The following DNMBP variants were observed in gnomAD, a reference collection of about 807,000 sequenced individuals.
DNMBP encodes dynamin-binding protein.
DNMBP carries 87 observed loss-of-function variants against 150.0 expected under a neutral mutation model. The observed-to-expected ratio is 0.58, with a 90% CI of 0.49 to 0.69. DNMBP has a LOEUF of 0.69. Among genes scored for constraint, DNMBP ranks in the 30% least tolerant of loss-of-function variants. The pLI is 0.00. For missense variants in DNMBP, 1,774 were observed against 1,949.0 expected, an observed-to-expected ratio of 0.91 and a Z score of 1.69; for synonymous variants, 711 against 750.4, an observed-to-expected ratio of 0.95 and a Z score of 0.86.
intron 4 of DNMBP, among the ~76,000 whole-genome samples, chr10:99,912,885 C>G: frequency 6.6e-6 from 1 of 152,144 alleles, no homozygotes; most frequent in East Asian, 1.9e-4. Flanking sequence ...TATTAACACT[C>G]AAAGAGAGTT....
chr10:99,926,807 C>A (rs1379175459), intron 4 of DNMBP, among the ~76,000 whole-genome samples: 2 of 152,064 alleles, frequency 1.3e-5, no homozygotes, highest in Admixed American at 1.3e-4. Flanking sequence ...CCAGAAGAGC[C>A]CAGCAGATAG....
intron 4 of DNMBP, among the ~76,000 whole-genome samples, chr10:99,948,154 CAT>C (rs2040379301): frequency 1.3e-5 from 2 of 152,094 alleles, no homozygotes; most frequent in African/African-American, 2.4e-5. Flanking sequence ...AATATTTTTA[CAT>C]GTTATTAAAA....
chr10:99,990,858 T>C (rs949691877), intron 1 of DNMBP, among the ~76,000 whole-genome samples: 9 of 150,436 alleles, frequency 6.0e-5, no homozygotes, highest in South Asian at 2.1e-4. Flanking sequence ...CACACATATA[T>C]ATATATATAT....
In DNMBP at chr10:99,896,163, C is replaced by T. The variant is rs540839983; in HGVS notation, c.3051+104G>A. 4.4e-5 allele frequency: 59 copies of T among 1,343,858 alleles called. 1 individual carries two copies. The highest frequency in any genetic ancestry group is 5.8e-5 in the African/African-American group (4 of 69,300). 83.2% of individuals were successfully genotyped at this position (1,343,858 alleles called of 1,614,324 possible). On this transcript the variant is annotated intron_variant, in intron 10 of 16. Coordinates refer to ENST00000324109, the MANE Select transcript of DNMBP (RefSeq NM_015221.4). ...TCCACCAGCTCGTAAAACCGGAGGACGTCTGAGGAAGGGAACCACGCCAAT... is the reference window on the plus strand; with the variant it reads ...TCCACCAGCTCGTAAAACCGGAGGATGTCTGAGGAAGGGAACCACGCCAAT...
In DNMBP at chr10:99,986,594, C is replaced by CAAAAAAAAAAAAAAAAAA. The variant is rs747726572; in HGVS notation, c.-10-14478_-10-14461dup. On this transcript the variant is annotated intron_variant, in intron 1 of 16. Transcript: ENST00000324109. ...TGGGAGACAGAGCAAGACTCCGTCT[C>CAAAAAAAAAAAAAAAAAA]AAAAAAAAAAAAAAAAAAAAAAAAA... is the stretch of plus-strand genomic sequence containing the variant. Among the ~76,000 whole-genome samples the CAAAAAAAAAAAAAAAAAA allele has an allele frequency of 2.8e-4, 21 of 74,162 alleles. 2 individuals are homozygous for CAAAAAAAAAAAAAAAAAA. Among genetic ancestry groups the CAAAAAAAAAAAAAAAAAA allele is most frequent in the African/African-American group, 4.3e-4 (9 of 20,746 alleles). 48.7% of individuals were successfully genotyped at this position (74,162 alleles called of 152,430 possible). A position where few individuals can be genotyped will look rare whatever the true frequency, so the allele number is the denominator to read the frequency against.
chr10:99,897,666 G>A (rs1303891361), intron 9 of DNMBP, among the ~76,000 whole-genome samples: 1 of 152,172 alleles, frequency 6.6e-6, no homozygotes, highest in Non-Finnish European at 1.5e-5. Flanking sequence ...GCCGGGTGCA[G>A]TGGCTCACGC....
intron 4 of DNMBP, among the ~76,000 whole-genome samples, chr10:99,929,384 C>T (rs532461834): frequency 5.3e-5 from 8 of 152,156 alleles, no homozygotes; most frequent in East Asian, 3.9e-4. Context: ...CCCATGAGAG[C>T]GCTATCCGAA....
intron 3 of DNMBP, among the ~76,000 whole-genome samples, chr10:99,961,267 C>CTTTTTTTTTT (rs555063019): frequency 4.7e-5 from 4 of 84,728 alleles, no homozygotes; most frequent in Non-Finnish European, 6.6e-5. Context: ...TTCCCTTTTT[C>CTTTTTTTTTT]TTTTTTTTTT....
At chr10:99,982,158 G>C (rs2040785444) in intron 1 of DNMBP, among the ~76,000 whole-genome samples, 1 of 152,038 alleles carries the variant, frequency 6.6e-6, no homozygotes, top group Non-Finnish European at 1.5e-5. Flanking sequence ...GAAAAGAATG[G>C]GGATGGCTAG....
At chr10:99,897,742 G>C (rs2133224862) in intron 9 of DNMBP, among the ~76,000 whole-genome samples, 1 of 152,108 alleles carries the variant, frequency 6.6e-6, no homozygotes, top group South Asian at 2.1e-4. Context: ...GTGAAACCCT[G>C]TCTCTACTAA....
chr10:99,902,368 G>A (rs2039756528), intron 6 of DNMBP, among the ~76,000 whole-genome samples: 1 of 134,328 alleles, frequency 7.4e-6, no homozygotes, highest in Non-Finnish European at 1.5e-5. Flanking sequence ...GGAGTGCAGT[G>A]GCATGATCTC....
At chr10:99,927,153 G>T (rs2040089228) in intron 4 of DNMBP, 1 of 152,370 alleles carries the variant, frequency 6.6e-6, no homozygotes, top group South Asian at 2.1e-4. Flanking sequence ...TGGAGGAGGG[G>T]TGGCAAGGGG....
chr10:99,889,001 A>G, intron 11 of DNMBP, 48 bp from the exon 12 acceptor site: 1 of 1,604,912 alleles, frequency 6.2e-7, no homozygotes, highest in Non-Finnish European at 8.5e-7. Flanking sequence ...AGAACTTTCC[A>G]GCTTTTGTCA....
chr10:99,899,764 TG>T, intron 7 of DNMBP, 154 bp downstream of exon 7: 2 of 881,758 alleles, frequency 2.3e-6, no homozygotes, highest in Non-Finnish European at 3.6e-6. Flanking sequence ...CTTATTCACA[TG>T]GACAAAAATA....
At position 99,900,026 on chromosome 10, in the gene DNMBP, T is replaced by A. The variant is rs148579721; in HGVS notation, c.2595A>T (p.Thr865=). Residue 865 remains threonine (T), a synonymous_variant, in exon 7 of 17, where the codon ACA becomes ACT. Transcript: ENST00000324109. ...FLGHRDELEG[T]YKIYCQNHDE... ...CATGATTCTGGCAGTAAATCTTGTA[T>A]GTTCCCTCAAGCTCATCCCGGTGAC... 2 of 1,614,174 alleles carry A rather than the reference T, an allele frequency of 1.2e-6. No homozygotes were observed. The highest frequency in any genetic ancestry group is 1.7e-6 in the Non-Finnish European group (2 of 1,180,036).
intron 4 of DNMBP, among the ~76,000 whole-genome samples, chr10:99,953,273 T>G (rs1246035891): frequency 6.6e-6 from 1 of 152,126 alleles, no homozygotes; most frequent in Non-Finnish European, 1.5e-5. Flanking sequence ...TAAAACTTTT[T>G]TTTTTTTTAA....
chr10:99,941,951 T>C (rs1467471442), intron 4 of DNMBP, among the ~76,000 whole-genome samples: 1 of 152,236 alleles, frequency 6.6e-6, no homozygotes, highest in Non-Finnish European at 1.5e-5. Context: ...GCCTCTGCCC[T>C]GTGTCTCTTC....
chr10:99,900,112 C>A (rs2039717411), intron 6 of DNMBP, 46 bp from the exon 7 acceptor site: 1 of 1,606,636 alleles, frequency 6.2e-7, no homozygotes, highest in African/African-American at 1.3e-5. Flanking sequence ...AAACTTTCTT[C>A]TCAGTATACT....
At chr10:99,947,921 C>T (rs1270230552) in intron 4 of DNMBP, among the ~76,000 whole-genome samples, 2 of 152,080 alleles carry the variant, frequency 1.3e-5, no homozygotes, top group East Asian at 1.9e-4. Context: ...AGAAGCTGAG[C>T]GAAGTATATG....
Sources: allele counts gnomAD v4.1 joint callset (sites outside exome capture counted in the v4.1 genomes callset), GRCh38; gene constraint gnomAD v4.1.1; transcripts MANE v1.5; gene names NCBI Gene and HGNC (gene_info 2026-07-23, HGNC 2026-07-21).